Variants in MYRIP observed in about 807,000 individuals in gnomAD.
MYRIP encodes the protein rab effector MyRIP.
MYRIP carries 49 observed loss-of-function variants against 98.0 expected under a neutral mutation model. The ratio of observed to expected loss-of-function variants is 0.50; its 90% confidence interval spans 0.40 to 0.63. The LOEUF (loss-of-function observed/expected upper bound fraction) is 0.63. MYRIP is among the 30% of genes least tolerant of loss of function. The pLI is 0.00. For missense variants in MYRIP, 1,004 were observed against 1,058.2 expected, an observed-to-expected ratio of 0.95 and a Z score of 0.71; for synonymous variants, 404 against 409.5, an observed-to-expected ratio of 0.99 and a Z score of 0.16.
chr3:40,192,313 T>TATATATGACATATATATATATGTC (rs1323917977), intron 10 of MYRIP, among the ~76,000 whole-genome samples: 1 of 13,186 alleles, frequency 7.6e-5, no homozygotes, highest in East Asian at 1.8e-3. Context: ...TTTCTTCATA[T>TATATATGACATATATATATATGTC]ATATATATAT....
In MYRIP at chr3:40,257,422, TG is replaced by T. The variant is rs1175376610; in HGVS notation, c.2548-711del. On this transcript the variant is annotated intron_variant, in intron 16 of 16. Transcript: ENST00000302541. Reference sequence around the variant, plus strand: ...ATTTATGCTGGAGATTGCAGTTTTTTGAATTTTTGCATGAGTGAAAAATCAG... The same window carrying T: ...ATTTATGCTGGAGATTGCAGTTTTTTAATTTTTGCATGAGTGAAAAATCAG... 4.6e-5 allele frequency among the ~76,000 whole-genome samples: 7 copies of T among 152,302 alleles called. No individual in the cohort carries two copies. In the East Asian group the frequency reaches 9.6e-4, roughly 21 times the overall value.
chr3:39,972,169 G>A (rs866039070), intron 2 of MYRIP, among the ~76,000 whole-genome samples: 1 of 151,916 alleles, frequency 6.6e-6, no homozygotes, highest in African/African-American at 2.4e-5. Flanking sequence ...AATATTTAAT[G>A]ACTCACAAAG....
At chr3:40,177,269 G>T (rs1950787773) in intron 8 of MYRIP, among the ~76,000 whole-genome samples, 1 of 152,128 alleles carries the variant, frequency 6.6e-6, no homozygotes, top group Non-Finnish European at 1.5e-5. Flanking sequence ...CAAGGGGTCT[G>T]GAGTGGAGCC....
At chr3:39,926,487 A>G (rs1944423479) in intron 2 of MYRIP, among the ~76,000 whole-genome samples, 1 of 152,148 alleles carries the variant, frequency 6.6e-6, no homozygotes, top group East Asian at 1.9e-4. Flanking sequence ...TAAATATTTA[A>G]TCCATCTCGA....
chr3:40,161,534 CCT>C (rs1291929787), intron 4 of MYRIP, among the ~76,000 whole-genome samples: 3 of 152,192 alleles, frequency 2.0e-5, no homozygotes, highest in African/African-American at 7.2e-5. Context: ...GTTGCCTCCC[CCT>C]CCCCTTGGTC....
chr3:40,155,936 G>A (rs1244919901), intron 4 of MYRIP, among the ~76,000 whole-genome samples: 3 of 151,930 alleles, frequency 2.0e-5, no homozygotes, highest in Admixed American at 6.6e-5. Flanking sequence ...CTCCCATTTT[G>A]TAGGTTGCCT....
chr3:39,874,666 C>A (rs1399764489), intron 1 of MYRIP, among the ~76,000 whole-genome samples: 1 of 152,110 alleles, frequency 6.6e-6, no homozygotes, highest in East Asian at 1.9e-4. Context: ...TATATTGAAC[C>A]AGCCTTGCAT....
intron 3 of MYRIP, among the ~76,000 whole-genome samples, chr3:40,051,258 CACCCCAA>C (rs1947788935): frequency 6.6e-6 from 1 of 152,052 alleles, no homozygotes; most frequent in African/African-American, 2.4e-5. Flanking sequence ...CTGCCAAAGC[CACCCCAA>C]ACCTCAGCAT....
intron 2 of MYRIP, among the ~76,000 whole-genome samples, chr3:40,028,794 A>G (rs1460649426): frequency 6.6e-6 from 1 of 152,200 alleles, no homozygotes; most frequent in Non-Finnish European, 1.5e-5. Flanking sequence ...GTCATACTAT[A>G]CAATTCTGCC....
chr3:40,027,446 CTCTTTT>C (rs1947158648), intron 2 of MYRIP, among the ~76,000 whole-genome samples: 1 of 152,088 alleles, frequency 6.6e-6, no homozygotes, highest in Non-Finnish European at 1.5e-5. Flanking sequence ...CAATACTAAG[CTCTTTT>C]TCTTTGCTAC....
At chr3:40,175,439 T>A (rs143756092) in intron 8 of MYRIP, among the ~76,000 whole-genome samples, 92 of 152,310 alleles carry the variant, frequency 6.0e-4, no homozygotes, top group African/African-American at 2.2e-3. Flanking sequence ...ACCTGGACCC[T>A]CCCCTGAACT....
At chr3:40,154,855 G>A (rs1488760155) in intron 4 of MYRIP, among the ~76,000 whole-genome samples, 2 of 151,920 alleles carry the variant, frequency 1.3e-5, no homozygotes, top group African/African-American at 4.8e-5. Flanking sequence ...GGTAAAAGTT[G>A]CCATTATTAA....
Position 40,190,220 on chromosome 3 carries a change from G to C in MYRIP, c.1422G>C (p.Trp474Cys). The C allele has an allele frequency of 6.2e-7, 1 of 1,614,126 alleles. No homozygotes were observed. Among genetic ancestry groups the C allele is most frequent in the Admixed American group, 1.7e-5 (1 of 60,024 alleles). Residue 474 changes from tryptophan (W) to cysteine (C), a missense_variant, in exon 10 of 17, where the codon TGG becomes TGC. By Grantham distance (215) the Trp-to-Cys change is radical. Transcript: ENST00000302541. ...TTGGGCACCAGGCCAGACTGTCCTG[G>C]TTGCAGAGGAAGGCCCCCAGGAACC... ...REVGHQARLS[W>C]LQRKAPRNPA...
intron 3 of MYRIP, among the ~76,000 whole-genome samples, chr3:40,045,258 G>T (rs1032847289): frequency 6.6e-6 from 1 of 152,120 alleles, no homozygotes; most frequent in Non-Finnish European, 1.5e-5. Context: ...TTTCCTTGGG[G>T]TCTCCAAGGA....
chr3:40,147,152 A>G (rs1950027000), intron 3 of MYRIP, among the ~76,000 whole-genome samples: 1 of 152,156 alleles, frequency 6.6e-6, no homozygotes, highest in African/African-American at 2.4e-5. Flanking sequence ...TGAATAGTTC[A>G]CTTTTTTCCT....
At chr3:40,162,122 G>A (rs554953515) in intron 4 of MYRIP, among the ~76,000 whole-genome samples, 5 of 152,174 alleles carry the variant, frequency 3.3e-5, no homozygotes, top group Middle Eastern at 3.4e-3. Context: ...GCTTAGGTCC[G>A]CCTTCCCTGC....
In MYRIP at chr3:40,234,012, C is replaced by T; in HGVS notation, c.2059C>T (p.Gln687Ter). 2 of 1,611,512 alleles carry T rather than the reference C, an allele frequency of 1.2e-6. No homozygotes were observed. Among genetic ancestry groups the T allele is most frequent in the Non-Finnish European group, 1.7e-6 (2 of 1,179,290 alleles). Reference sequence around the variant, plus strand: ...GGGGATGTTTCCTCGTGGGACAGACCAAGTGAGACTGGATGAGCAGCTGAC... The same window carrying T: ...GGGGATGTTTCCTCGTGGGACAGACTAAGTGAGACTGGATGAGCAGCTGAC... ...QKGMFPRGTD[Q>*]VRLDEQLTSL... is the part of the protein sequence containing the mutation. Residue 687 changes from glutamine (Q) to a stop codon, truncating the protein, a stop_gained, in exon 12 of 17, where the codon CAA becomes TAA. Transcript: ENST00000302541. LOFTEE classifies it high-confidence loss of function.
At chr3:39,816,821 A>G (rs1940933265) in intron 1 of MYRIP, among the ~76,000 whole-genome samples, 1 of 152,228 alleles carries the variant, frequency 6.6e-6, no homozygotes, top group Non-Finnish European at 1.5e-5. Context: ...TGAAATTTTT[A>G]TATATTTTTT....
chr3:39,868,416 A>G (rs184057841), intron 1 of MYRIP, among the ~76,000 whole-genome samples: 22 of 152,248 alleles, frequency 1.4e-4, no homozygotes, highest in Admixed American at 1.4e-3. Flanking sequence ...CTGCAACACC[A>G]ATTAAGTGCT....
Sources: gnomAD v4.1 joint callset for allele counts (sites outside exome capture counted in the v4.1 genomes callset) on GRCh38, gnomAD v4.1.1 for gene constraint, MANE v1.5 for transcripts, NCBI Gene and HGNC (gene_info 2026-07-23, HGNC 2026-07-21) for gene names.